Variants in PTGER3 observed in about 807,000 individuals in gnomAD.
The protein encoded by PTGER3 is prostaglandin E2 receptor EP3 subtype.
A neutral mutation model predicts 34.7 loss-of-function variants in PTGER3; 22 were observed. The ratio of observed to expected loss-of-function variants is 0.63; its 90% CI spans 0.45 to 0.91. The LOEUF is 0.91. Among genes scored for constraint, PTGER3 ranks in the 40% least tolerant of loss-of-function variants. The pLI is 0.00. For missense variants in PTGER3, 468 were observed against 519.4 expected (o/e 0.90, Z 0.96); for synonymous variants, 241 against 230.1 (o/e 1.05, Z -0.43).
At chr1:70,900,784 T>C (rs1206049025) in intron 4 of PTGER3, among the ~76,000 whole-genome samples, 1 of 152,200 alleles carries the variant, frequency 6.6e-6, no homozygotes, top group Non-Finnish European at 1.5e-5. Flanking sequence ...CTATGAAGAA[T>C]GTCACACATG....
At chr1:71,029,194 C>T (rs1659192531) in intron 1 of PTGER3, among the ~76,000 whole-genome samples, 1 of 152,216 alleles carries the variant, frequency 6.6e-6, no homozygotes, top group African/African-American at 2.4e-5. Flanking sequence ...CTTAATTACA[C>T]TTCCCTTCTT....
At chr1:71,019,880 G>A (rs1233785685) in intron 1 of PTGER3, among the ~76,000 whole-genome samples, 3 of 152,128 alleles carry the variant, frequency 2.0e-5, no homozygotes, top group Admixed American at 2.0e-4. Flanking sequence ...TGCATTTCCA[G>A]TTTATTCCTA....
At chr1:70,952,425 A>C, downstream of PTGER3, 1 of 985,456 alleles carries the variant, frequency 1.0e-6, no homozygotes, top group Non-Finnish European at 1.2e-6. Context: ...GTTTTTTGCC[A>C]GTCTAATGAT....
At chr1:71,006,736 T>C in intron 2 of PTGER3, 1 of 985,330 alleles carries the variant, frequency 1.0e-6, no homozygotes, top group Non-Finnish European at 1.2e-6. Flanking sequence ...CATGGGGCTG[T>C]TGCATTACAT....
chr1:71,041,512 A>G (rs958920274), intron 1 of PTGER3, among the ~76,000 whole-genome samples: 2 of 152,230 alleles, frequency 1.3e-5, no homozygotes, highest in Non-Finnish European at 2.9e-5. Context: ...TTTACAGTAA[A>G]ATGTTGCCAT....
chr1:70,894,309 C>CAA (rs35974984), intron 4 of PTGER3, among the ~76,000 whole-genome samples: 8,189 of 46,464 alleles, frequency 0.18, 736 homozygotes, highest in Admixed American at 0.27. Context: ...AACTCCATCT[C>CAA]AAAAAAAAAA....
chr1:70,854,372 C>T (rs1645752706), intron 4 of PTGER3, among the ~76,000 whole-genome samples: 1 of 152,096 alleles, frequency 6.6e-6, no homozygotes, highest in Non-Finnish European at 1.5e-5. Flanking sequence ...TATTCAATGT[C>T]ACTAACCATT....
chr1:71,001,907 T>G (rs1656528037), intron 2 of PTGER3, among the ~76,000 whole-genome samples: 1 of 152,208 alleles, frequency 6.6e-6, no homozygotes, highest in Non-Finnish European at 1.5e-5. Flanking sequence ...TTTCTAATAT[T>G]GTTCAATTAA....
chr1:70,957,989 C>T (rs1240381905), intron 2 of PTGER3, among the ~76,000 whole-genome samples: 5 of 152,090 alleles, frequency 3.3e-5, no homozygotes, highest in East Asian at 3.8e-4. Flanking sequence ...GGTTCATCTA[C>T]GTTGCTTCAA....
rs56278148 is a variant in PTGER3 at position 71,031,245 on chromosome 1, AACACACACACACAC to A, written c.897+15422_897+15435del. On this transcript the variant is annotated intron_variant, in intron 1 of 3. Transcript: ENST00000306666. ...TTTCCCAACAGATAGGTGGCAGGAA[AACACACACACACAC>A]ACACACACACACACACACACACACA... 6.3e-4 allele frequency among the ~76,000 whole-genome samples: 94 copies of A among 149,384 alleles called. 1 individual carries two copies. Among genetic ancestry groups the A allele is most frequent in the East Asian group, 6.2e-3 (31 of 4,986 alleles).
intron 4 of PTGER3, among the ~76,000 whole-genome samples, chr1:70,946,574 G>A (rs539351450): frequency 3.9e-5 from 6 of 152,238 alleles, no homozygotes; most frequent in African/African-American, 7.2e-5. Context: ...TAACAGGCAG[G>A]CATATAGTAA....
Position 71,008,754 on chromosome 1 carries a change from A to G in PTGER3, c.1077+3551T>C, listed in dbSNP as rs369192531. Reference sequence around the variant, plus strand: ...TTGAGATATGTAAACATATAAAACAAGCAATAAACAAGCAGCTGTGAAAAT... The same window carrying G: ...TTGAGATATGTAAACATATAAAACAGGCAATAAACAAGCAGCTGTGAAAAT... On this transcript the variant is annotated intron_variant, in intron 2 of 3. Coordinates refer to ENST00000306666, the MANE Select transcript of PTGER3 (RefSeq NM_198719.2). 8.3e-6 allele frequency: 8 copies of G among 967,478 alleles called. No individual in the cohort carries two copies. The African/African-American group carries it at 8.8e-5, about 11-fold the overall frequency. The allele number at this position is 967,478 out of a possible 1,614,324, so 59.9% of individuals were successfully genotyped here.
chr1:70,914,517 A>G (rs1049987740), intron 4 of PTGER3, among the ~76,000 whole-genome samples: 1 of 151,958 alleles, frequency 6.6e-6, no homozygotes. Context: ...GCTGTTTGTC[A>G]TTAAAAAATT....
chr1:71,040,540 C>G (rs1208502052), intron 1 of PTGER3, among the ~76,000 whole-genome samples: 2 of 151,850 alleles, frequency 1.3e-5, no homozygotes, highest in Non-Finnish European at 2.9e-5. Flanking sequence ...ACCCAGGAGG[C>G]AGAAGTTGCA....
intron 2 of PTGER3, among the ~76,000 whole-genome samples, chr1:71,004,972 T>G (rs1468286126): frequency 6.6e-6 from 1 of 152,214 alleles, no homozygotes; most frequent in Non-Finnish European, 1.5e-5. Context: ...CTTGGGTACA[T>G]AGCACCTGTT....
At chr1:71,026,497 A>G (rs1658936170) in intron 1 of PTGER3, among the ~76,000 whole-genome samples, 1 of 152,158 alleles carries the variant, frequency 6.6e-6, no homozygotes, top group South Asian at 2.1e-4. Flanking sequence ...ACAATTTTAT[A>G]CCAGGTTTGA....
At chr1:71,037,462 C>T (rs1220212170) in intron 1 of PTGER3, among the ~76,000 whole-genome samples, 1 of 152,198 alleles carries the variant, frequency 6.6e-6, no homozygotes, top group Non-Finnish European at 1.5e-5. Context: ...ACTGTATTAC[C>T]AGAGTGATGA....
At position 70,971,495 on chromosome 1, in the gene PTGER3, C is replaced by G. The variant is rs1042464674; in HGVS notation, c.*235G>C. Reference sequence around the variant, plus strand: ...TCATCTGTGAAATTCTTCCCAACTTCTTAAATGCATATTCAAAATCCCATC... The same window carrying G: ...TCATCTGTGAAATTCTTCCCAACTTGTTAAATGCATATTCAAAATCCCATC... On this transcript the variant is annotated 3_prime_UTR_variant, in exon 4 of 4. Transcript: ENST00000306666. 1 of 1,195,076 alleles carries G rather than the reference C, an allele frequency of 8.4e-7. No individual in the cohort carries two copies. 74.0% of individuals were successfully genotyped at this position (1,195,076 alleles called of 1,614,324 possible). A position where few individuals can be genotyped will look rare whatever the true frequency, so the allele number is the denominator to read the frequency against.
chr1:71,010,483 G>T, intron 2 of PTGER3: 1 of 983,666 alleles, frequency 1.0e-6, no homozygotes, highest in Non-Finnish European at 1.2e-6. Context: ...GATGCTGGAA[G>T]GAATAACCTA....
Sources: allele counts gnomAD v4.1 joint callset (sites outside exome capture counted in the v4.1 genomes callset), GRCh38; gene constraint gnomAD v4.1.1; transcripts MANE v1.5; gene names NCBI Gene and HGNC (gene_info 2026-07-23, HGNC 2026-07-21).